The following LARS2 variants were observed in gnomAD, a reference collection of about 807,000 sequenced individuals.
The protein encoded by LARS2 is leucine--tRNA ligase, mitochondrial.
In LARS2, 81 loss-of-function variants were observed where a neutral mutation model predicts 116.6. That is an observed-to-expected ratio of 0.69 (90% CI 0.58 to 0.84). LARS2 has a LOEUF of 0.84. LARS2 is among the 40% of genes least tolerant of loss of function. LARS2 has a pLI of 0.00. For synonymous variants in LARS2, 396 were observed against 407.2 expected, an observed-to-expected ratio of 0.97 and a Z score of 0.33; for missense variants, 968 against 1,114.5, an observed-to-expected ratio of 0.87 and a Z score of 1.87.
chr3:45,523,863 C>G, intron 19 of LARS2, 134 bp from the exon 20 acceptor site: 2 of 628,984 alleles, frequency 3.2e-6, no homozygotes, highest in Non-Finnish European at 5.7e-6. Context: ...TTCATTGTCC[C>G]AAGCAGAAAT....
chr3:45,397,708 A>G (rs1404758381), intron 3 of LARS2, among the ~76,000 whole-genome samples: 5 of 152,210 alleles, frequency 3.3e-5, no homozygotes, highest in Non-Finnish European at 7.3e-5. Flanking sequence ...CTTAACAGCT[A>G]TTTTCCCATA....
intron 12 of LARS2, among the ~76,000 whole-genome samples, chr3:45,490,910 A>G (rs550214599): frequency 3.3e-5 from 5 of 152,352 alleles, no homozygotes; most frequent in African/African-American, 1.2e-4. Flanking sequence ...AAACGGGAGC[A>G]TTTAAATATA....
At position 45,540,288 on chromosome 3, in the gene LARS2, T is replaced by A. The variant is rs905707407; in HGVS notation, c.2405-1541T>A. 2.0e-5 allele frequency among the ~76,000 whole-genome samples: 3 copies of A among 152,202 alleles called. No individual in the cohort carries two copies. The East Asian group carries it at 5.8e-4, about 29-fold the overall frequency. On this transcript the variant is annotated intron_variant, in intron 20 of 21. Coordinates refer to ENST00000645846, the MANE Select transcript of LARS2 (RefSeq NM_015340.4). Reference sequence around the variant, plus strand: ...AAAAAAGTTAAAAATGCTATCTGGCTGAACGTGACTTTTATTTTTATATTT... The same window carrying A: ...AAAAAAGTTAAAAATGCTATCTGGCAGAACGTGACTTTTATTTTTATATTT...
intron 8 of LARS2, among the ~76,000 whole-genome samples, chr3:45,471,275 A>G (rs532420538): frequency 7.9e-5 from 12 of 152,204 alleles, no homozygotes; most frequent in Non-Finnish European, 1.5e-4. Context: ...TGTTTATTAT[A>G]CAGTGGGGAC....
Position 45,491,665 on chromosome 3 carries a change from A to C in LARS2, c.1388A>C (p.His463Pro), listed in dbSNP as rs1699918013. 2 of 1,614,204 alleles carry C rather than the reference A, an allele frequency of 1.2e-6. No individual in the cohort carries two copies. The highest frequency in any genetic ancestry group is 1.7e-6 in the Non-Finnish European group (2 of 1,180,030). The change falls in exon 13 of 22, where the codon CAC becomes CCC. Residue 463 changes from histidine to proline, a missense_variant. By Grantham distance (77) the His-to-Pro change is moderately conservative (BLOSUM62 -2). Coordinates refer to ENST00000645846, the MANE Select transcript of LARS2 (RefSeq NM_015340.4). The part of the protein sequence containing the change: ...RYWGTPIPIV[H>P]CPVCGPTPVP... ...TGGGGCACACCAATCCCCATTGTCCACTGCCCAGTCTGTGGCCCCACACCT... is the reference window on the plus strand; with the variant it reads ...TGGGGCACACCAATCCCCATTGTCCCCTGCCCAGTCTGTGGCCCCACACCT...
chr3:45,401,993 T>G (rs977262019), intron 4 of LARS2, among the ~76,000 whole-genome samples: 2 of 152,158 alleles, frequency 1.3e-5, no homozygotes, highest in Non-Finnish European at 2.9e-5. Context: ...AATATCTTCT[T>G]TATCCACCTA....
intron 10 of LARS2, among the ~76,000 whole-genome samples, chr3:45,479,413 C>T (rs968614266): frequency 6.6e-5 from 10 of 151,986 alleles, no homozygotes. Context: ...GCGAGGCCCC[C>T]AGAACAGCAG....
At chr3:45,498,739 G>T (rs1241978796) in intron 14 of LARS2, among the ~76,000 whole-genome samples, 1 of 152,228 alleles carries the variant, frequency 6.6e-6, no homozygotes, top group African/African-American at 2.4e-5. Context: ...ACAGAGGTCT[G>T]TCGCCAGCCA....
At chr3:45,409,877 T>C (rs1402048049) in intron 4 of LARS2, among the ~76,000 whole-genome samples, 2 of 152,222 alleles carry the variant, frequency 1.3e-5, no homozygotes, top group African/African-American at 4.8e-5. Flanking sequence ...GAATCTGAAA[T>C]ATTAAGAAAC....
intron 6 of LARS2, among the ~76,000 whole-genome samples, chr3:45,436,735 A>G (rs1170005613): frequency 6.7e-6 from 1 of 148,516 alleles, no homozygotes; most frequent in Admixed American, 6.9e-5. Context: ...CGGAGCTTGC[A>G]GTGAGCCGAG....
chr3:45,391,451 C>G (rs1002223257), intron 1 of LARS2, 132 bp from the exon 2 acceptor site: 4 of 148,164 alleles, frequency 2.7e-5, no homozygotes, highest in Non-Finnish European at 4.4e-5. Flanking sequence ...CGCCATTGCA[C>G]GATCTCATTG....
chr3:45,538,038 C>G (rs1426352475), intron 20 of LARS2, among the ~76,000 whole-genome samples: 1 of 152,202 alleles, frequency 6.6e-6, no homozygotes, highest in Non-Finnish European at 1.5e-5. Context: ...TGACCTCTCC[C>G]CTTGGCATTA....
intron 21 of LARS2, 65 bp from the exon 22 acceptor site, chr3:45,547,286 G>A: frequency 6.9e-7 from 1 of 1,439,666 alleles, no homozygotes; most frequent in East Asian, 2.3e-5. Flanking sequence ...AGGAGGTTTG[G>A]TATTGGGCCG....
At position 45,414,966 on chromosome 3, in the gene LARS2, C is replaced by T. The variant is rs147060877; in HGVS notation, c.364-2516C>T. The stretch of plus-strand genomic sequence containing the variant: ...TGAATTTTGTAAGCAGTGTGTCTTT[C>T]CTGACAGGGGCAGGGAGCCTGGCTT... On this transcript the variant is annotated intron_variant, in intron 4 of 21. Coordinates refer to ENST00000645846, the MANE Select transcript of LARS2 (RefSeq NM_015340.4). 3.1e-3 allele frequency among the ~76,000 whole-genome samples: 467 copies of T among 152,294 alleles called. 2 individuals carry two copies. Among genetic ancestry groups the T allele is most frequent in the African/African-American group, 0.011 (444 of 41,564 alleles).
At chr3:45,424,325 C>A (rs1411616067) in intron 6 of LARS2, among the ~76,000 whole-genome samples, 1 of 152,124 alleles carries the variant, frequency 6.6e-6, no homozygotes, top group African/African-American at 2.4e-5. Flanking sequence ...CTATATTGGC[C>A]TACAGTTGGG....
rs889120592 is a variant in LARS2, at chr3:45,496,485, G to A, written c.1622+112G>A. ...AGATTTCTTGGGGGGAAATGCCTGT[G>A]CAGATTAAAGGGGAGAAGAGGAGGA... On this transcript the variant is annotated intron_variant, in intron 14 of 21. Coordinates refer to ENST00000645846, the MANE Select transcript of LARS2 (RefSeq NM_015340.4). The A allele has an allele frequency of 1.8e-5, 14 of 798,564 alleles. No individual in the cohort carries two copies. The African/African-American group carries it at 2.2e-4, about 13-fold the overall frequency. The allele number at this position is 798,564 out of a possible 1,614,324, so 49.5% of individuals were successfully genotyped here. A position where few individuals can be genotyped will look rare whatever the true frequency, so the allele number is the denominator to read the frequency against.
At chr3:45,506,254 T>C in intron 15 of LARS2, among the ~76,000 whole-genome samples, 1 of 152,096 alleles carries the variant, frequency 6.6e-6, no homozygotes, top group South Asian at 2.1e-4. Context: ...GCATTACTCT[T>C]GTTGGATCAC....
intron 8 of LARS2, among the ~76,000 whole-genome samples, chr3:45,461,047 A>G (rs1032192837): frequency 2.4e-4 from 37 of 152,220 alleles, no homozygotes; most frequent in African/African-American, 8.4e-4. Flanking sequence ...TCAAGGGGGA[A>G]AAAAAGGCAT....
intron 20 of LARS2, among the ~76,000 whole-genome samples, chr3:45,535,839 A>G (rs548478486): frequency 6.6e-6 from 1 of 152,278 alleles, no homozygotes; most frequent in Admixed American, 6.5e-5. Flanking sequence ...GATTGCATTC[A>G]TGTCAACTTC....
Sources: gnomAD v4.1 joint callset for allele counts (sites outside exome capture counted in the v4.1 genomes callset) on GRCh38, gnomAD v4.1.1 for gene constraint, MANE v1.5 for transcripts, NCBI Gene and HGNC (gene_info 2026-07-23, HGNC 2026-07-21) for gene names.